Variants in BICD2 observed in about 807,000 individuals in gnomAD.
BICD2 encodes the protein protein bicaudal D homolog 2.
A neutral mutation model predicts 72.9 loss-of-function variants in BICD2; 25 were observed. That is an observed-to-expected ratio of 0.34 (90% CI 0.25 to 0.48). BICD2 has a LOEUF of 0.48. BICD2 is among the 20% of genes least tolerant of loss of function. The pLI, the probability that BICD2 is intolerant of heterozygous loss-of-function variation, is 0.99. For missense variants in BICD2, 894 were observed against 1,175.2 expected, an observed-to-expected ratio of 0.76 and a Z score of 3.50; for synonymous variants, 501 against 516.1, an observed-to-expected ratio of 0.97 and a Z score of 0.40.
At chr9:92,727,523 G>A (rs377570039) in intron 2 of BICD2, among the ~76,000 whole-genome samples, 2 of 152,132 alleles carry the variant, frequency 1.3e-5, no homozygotes, top group Admixed American at 1.3e-4. Flanking sequence ...ATTCTCAACC[G>A]ACCCATGCTC....
At position 92,715,476 on chromosome 9, in the gene BICD2, A is replaced by T. The variant is rs1332909050; in HGVS notation, c.2259-13T>A. 6.4e-7 allele frequency: 1 copy of T among 1,567,036 alleles called. No individual in the cohort carries two copies. ...GTACTCGTCACACCTGTGGGTACCA[A>T]AAACATGACTGAGGGGCGGGCAGAG... is the stretch of plus-strand genomic sequence containing the variant. On this transcript the variant is annotated splice_polypyrimidine_tract_variant and intron_variant, in intron 6 of 6. Coordinates refer to ENST00000356884, the MANE Select transcript of BICD2 (RefSeq NM_001003800.2).
chr9:92,715,563 C>T lies in BICD2; in HGVS notation c.2259-100G>A, dbSNP rs567418952. ...TGCACGGCCCTCTGACAGCCCTATACCAGAGCCATCCTTCAATGTGGCCTC... is the reference window on the plus strand; with the variant it reads ...TGCACGGCCCTCTGACAGCCCTATATCAGAGCCATCCTTCAATGTGGCCTC... On this transcript the variant is annotated intron_variant, in intron 6 of 6. Coordinates refer to ENST00000356884, the MANE Select transcript of BICD2 (RefSeq NM_001003800.2). 3.4e-6 allele frequency: 4 copies of T among 1,191,202 alleles called. No homozygotes were observed. In the African/African-American group the frequency reaches 6.1e-5, roughly 18 times the overall value. The allele number at this position is 1,191,202 out of a possible 1,614,324, so 73.8% of individuals were successfully genotyped here. A position where few individuals can be genotyped will look rare whatever the true frequency, so the allele number is the denominator to read the frequency against.
rs550926495 is a variant in BICD2, at chr9:92,744,060, T to C, written c.241-14824A>G. On this transcript the variant is annotated intron_variant, in intron 1 of 6. Coordinates refer to ENST00000356884, the MANE Select transcript of BICD2 (RefSeq NM_001003800.2). Reference sequence around the variant, plus strand: ...CTCCTCTAGAAGAAAGCCTGCCCTATGTCACCCTAGCCAGTCCATCCAACA... The same window carrying C: ...CTCCTCTAGAAGAAAGCCTGCCCTACGTCACCCTAGCCAGTCCATCCAACA... 2.0e-5 allele frequency among the ~76,000 whole-genome samples: 3 copies of C among 152,300 alleles called. No individual in the cohort carries two copies. The East Asian group carries it at 5.8e-4, about 29-fold the overall frequency.
chr9:92,716,528 GTGCA>G (rs150560593), intron 6 of BICD2, among the ~76,000 whole-genome samples: 41,856 of 151,806 alleles, frequency 0.28, 6,807 homozygotes, highest in East Asian at 0.76. Flanking sequence ...CAGGCCCTAT[GTGCA>G]TGCAGTTCCC....
At chr9:92,737,182 T>C (rs1417385775) in intron 1 of BICD2, among the ~76,000 whole-genome samples, 2 of 152,196 alleles carry the variant, frequency 1.3e-5, no homozygotes. Context: ...TGTGCCTCGA[T>C]TTCCTCATGT....
rs1299713384 is a variant in BICD2 at position 92,713,430 on chromosome 9, G to A, written c.*1724C>T. On this transcript the variant is annotated 3_prime_UTR_variant, in exon 7 of 7. Transcript: ENST00000356884. The stretch of plus-strand genomic sequence containing the variant: ...AGGGGCTGCAGTGTGACAGGGCCGG[G>A]TGGCCAAGTCCTCCTGGCAGCTACT... 1 of 1,585,938 alleles carries A rather than the reference G, an allele frequency of 6.3e-7. No homozygotes were observed. The highest frequency in any genetic ancestry group is 8.6e-7 in the Non-Finnish European group (1 of 1,164,546).
At position 92,757,300 on chromosome 9, in the gene BICD2, C is replaced by T. The variant is rs186030208; in HGVS notation, c.240+7205G>A. The stretch of plus-strand genomic sequence containing the variant: ...CTGCACTCCAGCCTGGGCGACAGAA[C>T]GAGACTGTCTCCAAAAAAAAAAAAA... On this transcript the variant is annotated intron_variant, in intron 1 of 6. Transcript: ENST00000356884. 2.9e-3 allele frequency among the ~76,000 whole-genome samples: 289 copies of T among 98,816 alleles called. 1 individual carries two copies. Among genetic ancestry groups the T allele is most frequent in the African/African-American group, 0.011 (271 of 24,660 alleles). 64.8% of individuals were successfully genotyped at this position (98,816 alleles called of 152,430 possible). A position where few individuals can be genotyped will look rare whatever the true frequency, so the allele number is the denominator to read the frequency against.
chr9:92,756,513 A>G (rs759702773), intron 1 of BICD2, among the ~76,000 whole-genome samples: 3 of 150,918 alleles, frequency 2.0e-5, no homozygotes, highest in Admixed American at 1.3e-4. Context: ...CGCCTGCCTC[A>G]GCCTCCCAAA....
chr9:92,763,933 C>T (rs1470852648), intron 1 of BICD2, among the ~76,000 whole-genome samples: 1 of 152,244 alleles, frequency 6.6e-6, no homozygotes. Context: ...CAACCCCGAG[C>T]CCCTACTCAC....
chr9:92,730,369 A>G (rs1353559796), intron 1 of BICD2, among the ~76,000 whole-genome samples: 2 of 152,238 alleles, frequency 1.3e-5, no homozygotes, highest in Admixed American at 1.3e-4. Flanking sequence ...CTAAGAATTC[A>G]GTCCAAGAAA....
At chr9:92,758,497 A>G (rs1165854964) in intron 1 of BICD2, among the ~76,000 whole-genome samples, 1 of 144,620 alleles carries the variant, frequency 6.9e-6, no homozygotes, top group Non-Finnish European at 1.5e-5. Flanking sequence ...GGTTACAGTG[A>G]GCCAAGATCG....
intron 1 of BICD2, among the ~76,000 whole-genome samples, chr9:92,759,292 G>C (rs1194008252): frequency 6.6e-6 from 1 of 152,188 alleles, no homozygotes; most frequent in Non-Finnish European, 1.5e-5. Flanking sequence ...AAGAAGAGCT[G>C]GCAGAGAGAA....
At chr9:92,721,451 G>C (rs1337024428) in intron 3 of BICD2, among the ~76,000 whole-genome samples, 7 of 152,216 alleles carry the variant, frequency 4.6e-5, no homozygotes, top group Admixed American at 2.6e-4. Context: ...GGAAAAAGCA[G>C]ATAGAAACTG....
rs1853257636 is a variant in BICD2 at position 92,714,349 on chromosome 9, C to T, written c.*805G>A. On this transcript the variant is annotated 3_prime_UTR_variant, in exon 7 of 7. Transcript: ENST00000356884. ...CCCAAGTACAAAAGGACGGGCTCTG[C>T]ACTAAGGACCAAGGTCTGGCCAGGC... The T allele has an allele frequency of 1.0e-6, 1 of 985,484 alleles. No individual in the cohort carries two copies. The highest frequency in any genetic ancestry group is 1.2e-6 in the Non-Finnish European group (1 of 829,954). The allele number at this position is 985,484 out of a possible 1,614,324, so 61.0% of individuals were successfully genotyped here. A position where few individuals can be genotyped will look rare whatever the true frequency, so the allele number is the denominator to read the frequency against.
chr9:92,717,998 T>A (rs1853358500), intron 5 of BICD2, 50 bp from the exon 6 acceptor site: 1 of 1,577,602 alleles, frequency 6.3e-7, no homozygotes, highest in African/African-American at 1.4e-5. Flanking sequence ...GAAGTCAGCC[T>A]AGAGGTGCTC....
chr9:92,738,039 GC>G (rs1853823876), intron 1 of BICD2, among the ~76,000 whole-genome samples: 1 of 152,218 alleles, frequency 6.6e-6, no homozygotes, highest in African/African-American at 2.4e-5. Context: ...CCACTGCCCT[GC>G]CCACTTCCCG....
chr9:92,749,013 C>A (rs1854085708), intron 1 of BICD2, among the ~76,000 whole-genome samples: 1 of 151,820 alleles, frequency 6.6e-6, no homozygotes, highest in African/African-American at 2.4e-5. Context: ...GGAGAGGGGG[C>A]AGGAGGTGGA....
intron 1 of BICD2, among the ~76,000 whole-genome samples, chr9:92,741,597 G>T (rs1041922519): frequency 8.6e-5 from 13 of 151,894 alleles, no homozygotes; most frequent in South Asian, 2.1e-4. Context: ...TTTTCTTTAT[G>T]TCATAAAAAG....
chr9:92,751,914 C>T (rs1279434670), intron 1 of BICD2, among the ~76,000 whole-genome samples: 1 of 151,608 alleles, frequency 6.6e-6, no homozygotes, highest in African/African-American at 2.4e-5. Context: ...AAGTAATTCT[C>T]CTGCCTCAGC....
Sources: gnomAD v4.1 joint callset for allele counts (sites outside exome capture counted in the v4.1 genomes callset) on GRCh38, gnomAD v4.1.1 for gene constraint, MANE v1.5 for transcripts, NCBI Gene and HGNC (gene_info 2026-07-23, HGNC 2026-07-21) for gene names.